PIK3C2G: variants seen among roughly 807,000 people sequenced by gnomAD.
PIK3C2G encodes the protein phosphatidylinositol 3-kinase C2 domain-containing subunit gamma.
A neutral mutation model predicts 181.1 loss-of-function variants in PIK3C2G; 168 were observed. That is an observed-to-expected ratio of 0.93 (90% confidence interval 0.82 to 1.05). The LOEUF is 1.05. Ranked by LOEUF, PIK3C2G falls within the 50% of genes least tolerant of loss-of-function variation. PIK3C2G has a pLI of 0.00. For synonymous variants in PIK3C2G, 573 were observed against 592.2 expected, an observed-to-expected ratio of 0.97 and a Z score of 0.47; for missense variants, 1,869 against 1,732.8, an observed-to-expected ratio of 1.08 and a Z score of -1.40.
At chr12:18,272,963 G>C (rs2137063271) in intron 1 of PIK3C2G, among the ~76,000 whole-genome samples, 1 of 151,494 alleles carries the variant, frequency 6.6e-6, no homozygotes, top group South Asian at 2.1e-4. Context: ...GGCCTTCCAA[G>C]GAATGAAGTT....
the PIK3C2G span, among the ~76,000 whole-genome samples, chr12:18,668,845 A>T: frequency 6.6e-6 from 1 of 152,178 alleles, no homozygotes. Context: ...ACACGAGTGC[A>T]GAAGGAGCTT....
chr12:18,719,921 T>A, the PIK3C2G span, among the ~76,000 whole-genome samples: 1 of 152,054 alleles, frequency 6.6e-6, no homozygotes, highest in Non-Finnish European at 1.5e-5. Context: ...CCAATGAACT[T>A]CGACAAGCTA....
At chr12:18,636,405 A>G (rs1949604976) in intron 31 of PIK3C2G, among the ~76,000 whole-genome samples, 1 of 151,900 alleles carries the variant, frequency 6.6e-6, no homozygotes, top group South Asian at 2.1e-4. Context: ...GTAATTTTGT[A>G]TTTTTAGTAG....
At chr12:18,298,414 T>TTC (rs2137263686) in intron 5 of PIK3C2G, among the ~76,000 whole-genome samples, 1 of 151,122 alleles carries the variant, frequency 6.6e-6, no homozygotes, top group African/African-American at 2.4e-5. Context: ...TTTTCTTTTT[T>TTC]TTTTTTTGCT....
At chr12:18,307,708 T>C (rs1352882200) in intron 5 of PIK3C2G, among the ~76,000 whole-genome samples, 1 of 151,900 alleles carries the variant, frequency 6.6e-6, no homozygotes, top group African/African-American at 2.4e-5. Flanking sequence ...AAATTCATTT[T>C]TTACTGCACT....
chr12:18,659,606 A>G, the PIK3C2G span, among the ~76,000 whole-genome samples: 1 of 150,450 alleles, frequency 6.6e-6, no homozygotes, highest in African/African-American at 2.4e-5. Context: ...AGAATCACAC[A>G]TTTCATTTAC....
At chr12:18,368,815 T>C (rs965318261) in intron 12 of PIK3C2G, among the ~76,000 whole-genome samples, 1 of 152,152 alleles carries the variant, frequency 6.6e-6, no homozygotes, top group Non-Finnish European at 1.5e-5. Flanking sequence ...AATTCAATTA[T>C]GGTCATTGAA....
At chr12:18,497,311 T>C (rs543979129) in intron 21 of PIK3C2G, among the ~76,000 whole-genome samples, 1 of 152,310 alleles carries the variant, frequency 6.6e-6, no homozygotes, top group East Asian at 1.9e-4. Flanking sequence ...AGCCTGTCTT[T>C]GCCAGACTTT....
chr12:18,543,991 C>G (rs773220963), intron 25 of PIK3C2G, among the ~76,000 whole-genome samples: 1 of 151,706 alleles, frequency 6.6e-6, no homozygotes, highest in Admixed American at 6.6e-5. Flanking sequence ...GGAAGCAATA[C>G]GTACTATGAA....
intron 4 of PIK3C2G, among the ~76,000 whole-genome samples, chr12:18,291,629 A>G (rs145443479): frequency 4.9e-4 from 74 of 152,304 alleles, no homozygotes; most frequent in African/African-American, 1.6e-3. Context: ...ACTATTTTGC[A>G]AAACAGTATT....
intron 2 of PIK3C2G, among the ~76,000 whole-genome samples, chr12:18,284,006 G>A (rs1484694774): frequency 6.6e-6 from 1 of 152,080 alleles, no homozygotes; most frequent in African/African-American, 2.4e-5. Flanking sequence ...AGTGCCTGCA[G>A]TTCCAAGTTG....
At chr12:18,319,372 T>C (rs539310530) in intron 6 of PIK3C2G, among the ~76,000 whole-genome samples, 1 of 152,158 alleles carries the variant, frequency 6.6e-6, no homozygotes, top group South Asian at 2.1e-4. Context: ...AAGGCCAAGG[T>C]ATGGCCTCAG....
chr12:18,726,254 A>G, the PIK3C2G span, among the ~76,000 whole-genome samples: 3 of 152,184 alleles, frequency 2.0e-5, no homozygotes, highest in African/African-American at 4.8e-5. Context: ...GTTCACTACC[A>G]CCTTTAAAAT....
In PIK3C2G at chr12:18,346,288, T is replaced by C. The variant is rs11044037; in HGVS notation, c.1430-353T>C. ...TGATGTACTTATAAGCCATCTATAT[T>C]CCTTGTCTGAAAATTAATTTTAAAC... is the stretch of plus-strand genomic sequence containing the variant. On this transcript the variant is annotated intron_variant, in intron 10 of 32. Transcript: ENST00000538779. Among the ~76,000 whole-genome samples, 634 of 152,320 alleles carry C rather than the reference T, an allele frequency of 4.2e-3. 2 individuals are homozygous for C. The highest frequency in any genetic ancestry group is 0.014 in the African/African-American group (594 of 41,572).
At chr12:18,611,330 G>T (rs1388645940) in intron 31 of PIK3C2G, among the ~76,000 whole-genome samples, 1 of 152,060 alleles carries the variant, frequency 6.6e-6, no homozygotes, top group African/African-American at 2.4e-5. Context: ...AGTTACTAAT[G>T]ATGTAGTAAT....
At chr12:18,336,660 A>C (rs993397960) in intron 8 of PIK3C2G, among the ~76,000 whole-genome samples, 1 of 152,130 alleles carries the variant, frequency 6.6e-6, no homozygotes, top group Non-Finnish European at 1.5e-5. Flanking sequence ...ATGACTCATA[A>C]ATTTTTCTTC....
chr12:18,406,437 A>G (rs775384358), intron 16 of PIK3C2G, among the ~76,000 whole-genome samples: 1 of 152,178 alleles, frequency 6.6e-6, no homozygotes, highest in Non-Finnish European at 1.5e-5. Flanking sequence ...GTGAAGTTAG[A>G]TTCCATACTT....
chr12:18,425,863 T>A (rs1334113271), intron 18 of PIK3C2G, among the ~76,000 whole-genome samples: 1 of 152,232 alleles, frequency 6.6e-6, no homozygotes. Flanking sequence ...TATTTATAAA[T>A]GAAATAAAAT....
intron 9 of PIK3C2G, among the ~76,000 whole-genome samples, chr12:18,340,054 C>T (rs528054425): frequency 6.6e-6 from 1 of 152,040 alleles, no homozygotes; most frequent in South Asian, 2.1e-4. Context: ...ATGTAGTCTC[C>T]AAAACTGTTT....
Sources: allele counts gnomAD v4.1 joint callset (sites outside exome capture counted in the v4.1 genomes callset), GRCh38; gene constraint gnomAD v4.1.1; transcripts MANE v1.5; gene names NCBI Gene and HGNC (gene_info 2026-07-23, HGNC 2026-07-21).